Variants in TTC7B observed in about 807,000 individuals in gnomAD.
The protein encoded by TTC7B is tetratricopeptide repeat protein 7B.
TTC7B carries 28 observed loss-of-function variants against 106.8 expected under a neutral mutation model. The ratio of observed to expected loss-of-function variants is 0.26; its 90% CI spans 0.19 to 0.36. The LOEUF is 0.36. TTC7B is among the 10% of genes least tolerant of loss of function. The pLI is 1.00. For synonymous variants in TTC7B, 405 were observed against 430.6 expected (o/e 0.94, Z 0.74); for missense variants, 862 against 1,076.4 (o/e 0.80, Z 2.79).
chr14:90,586,525 CT>C (rs1268792233), intron 18 of TTC7B, among the ~76,000 whole-genome samples: 7 of 152,192 alleles, frequency 4.6e-5, no homozygotes, highest in African/African-American at 1.7e-4. Flanking sequence ...CCGCCTCAGC[CT>C]TCCAAACTGC....
chr14:90,784,557 G>A (rs1286049119), intron 2 of TTC7B, among the ~76,000 whole-genome samples: 6 of 143,926 alleles, frequency 4.2e-5, no homozygotes, highest in South Asian at 2.2e-4. Flanking sequence ...ACTCCATCTC[G>A]AAAAAAAAAA....
chr14:90,649,455 G>A (rs1885620663), intron 13 of TTC7B, among the ~76,000 whole-genome samples: 1 of 152,150 alleles, frequency 6.6e-6, no homozygotes, highest in Admixed American at 6.5e-5. Flanking sequence ...GAAATCCTCA[G>A]GCCAGGCAGA....
At chr14:90,812,007 G>A (rs2030924099) in intron 1 of TTC7B, among the ~76,000 whole-genome samples, 1 of 152,130 alleles carries the variant, frequency 6.6e-6, no homozygotes, top group African/African-American at 2.4e-5. Flanking sequence ...TCCCTGCCAG[G>A]CTGACAGCTG....
At chr14:90,567,277 C>T (rs890881742) in intron 19 of TTC7B, among the ~76,000 whole-genome samples, 8 of 152,254 alleles carry the variant, frequency 5.3e-5, no homozygotes, top group Non-Finnish European at 7.3e-5. Context: ...CGTCTATCGA[C>T]GCTGAGGCTG....
chr14:90,750,286 T>C (rs1890098303), intron 3 of TTC7B, among the ~76,000 whole-genome samples: 1 of 152,202 alleles, frequency 6.6e-6, no homozygotes, highest in African/African-American at 2.4e-5. Flanking sequence ...CAAGTTGATA[T>C]CAGGGATTTA....
At chr14:90,580,229 G>A (rs978949259) in intron 18 of TTC7B, among the ~76,000 whole-genome samples, 5 of 152,252 alleles carry the variant, frequency 3.3e-5, no homozygotes, top group Non-Finnish European at 5.9e-5. Flanking sequence ...CTGAATCGCT[G>A]AATGGATGAA....
At chr14:90,593,659 A>G (rs1338372813) in intron 17 of TTC7B, 33 bp from the exon 18 acceptor site, 10 of 1,549,276 alleles carry the variant, frequency 6.5e-6, no homozygotes, top group Non-Finnish European at 8.8e-6. Flanking sequence ...CTCTATCAGG[A>G]GCGAAAGAAC....
intron 5 of TTC7B, among the ~76,000 whole-genome samples, chr14:90,724,119 A>G (rs1302670075): frequency 6.6e-6 from 1 of 152,096 alleles, no homozygotes; most frequent in East Asian, 1.9e-4. Context: ...CATCTACACC[A>G]TCTCAAGCCC....
intron 6 of TTC7B, among the ~76,000 whole-genome samples, chr14:90,691,356 G>A (rs1267607137): frequency 6.6e-6 from 1 of 151,774 alleles, no homozygotes; most frequent in Non-Finnish European, 1.5e-5. Context: ...TTAAACGTGG[G>A]GTTTTGATGT....
intron 3 of TTC7B, chr14:90,766,975 T>A (rs1890704476): frequency 1.5e-6 from 2 of 1,378,316 alleles, no homozygotes; most frequent in Non-Finnish European, 1.0e-6. Flanking sequence ...TGTGGGTGTG[T>A]CCAAGAAGAA....
rs869217172 is a variant in TTC7B, at chr14:90,575,003, T to TC, written c.2310+3102dup. Among the ~76,000 whole-genome samples, 1 of 150,892 alleles carries TC rather than the reference T, an allele frequency of 6.6e-6. No individual in the cohort carries two copies. Among genetic ancestry groups the TC allele is most frequent in the African/African-American group, 2.4e-5 (1 of 41,278 alleles). On this transcript the variant is annotated intron_variant, in intron 19 of 19. Coordinates refer to ENST00000328459, the MANE Select transcript of TTC7B (RefSeq NM_001010854.2). The surrounding 1 kb of genome is among the most constrained non-coding windows in gnomAD (Gnocchi z 5.2). ...CCTTCTGACCCTGGCCTCCCTGGCC[T>TC]CCCCCTCGCCGCTCTCCCTGTGTGC...
intron 7 of TTC7B, among the ~76,000 whole-genome samples, chr14:90,686,805 A>G (rs1887268110): frequency 6.6e-6 from 1 of 152,260 alleles, no homozygotes; most frequent in Non-Finnish European, 1.5e-5. Context: ...GAATAAGCGT[A>G]ACAAAAGAAA....
chr14:90,554,413 C>G (rs935524195), intron 19 of TTC7B, among the ~76,000 whole-genome samples: 1 of 152,222 alleles, frequency 6.6e-6, no homozygotes, highest in South Asian at 2.1e-4. Flanking sequence ...GGAACAGCAT[C>G]CGGGTGTTCG....
intron 18 of TTC7B, among the ~76,000 whole-genome samples, chr14:90,585,094 G>T (rs369416216): frequency 2.6e-5 from 4 of 152,196 alleles, no homozygotes; most frequent in African/African-American, 7.2e-5. Flanking sequence ...GCTTCCCTCG[G>T]CCAGGCCCCA....
Position 90,748,986 on chromosome 14 carries a change from G to A in TTC7B, c.446-4064C>T, listed in dbSNP as rs1221942144. On this transcript the variant is annotated intron_variant, in intron 3 of 19. Transcript: ENST00000328459. The stretch of plus-strand genomic sequence containing the variant: ...CTTAATTTAGCTCTAATTTTAGAGA[G>A]AAATTTCATGGAGTATGGAATTCAG... 2.6e-5 allele frequency among the ~76,000 whole-genome samples: 4 copies of A among 152,260 alleles called. No homozygotes were observed. In the East Asian group the frequency reaches 7.7e-4, roughly 29 times the overall value.
chr14:90,706,842 C>A (rs550354048), intron 5 of TTC7B, among the ~76,000 whole-genome samples: 1 of 152,170 alleles, frequency 6.6e-6, no homozygotes, highest in Non-Finnish European at 1.5e-5. Flanking sequence ...GCTAATGGTT[C>A]GGTCACCTTA....
chr14:90,696,946 A>G lies in TTC7B; in HGVS notation c.699-1368T>C, dbSNP rs531215213. The stretch of plus-strand genomic sequence containing the variant: ...TCCATGTTCACAGGCAACAAAGTAC[A>G]TTTGCTTTGGACTGAAGCTCAGTTC... On this transcript the variant is annotated intron_variant, in intron 5 of 19. Coordinates refer to ENST00000328459, the MANE Select transcript of TTC7B (RefSeq NM_001010854.2). 1.1e-3 allele frequency among the ~76,000 whole-genome samples: 168 copies of G among 152,304 alleles called. 2 individuals are homozygous for G. The South Asian group carries it at 0.034, about 31-fold the overall frequency.
intron 19 of TTC7B, among the ~76,000 whole-genome samples, chr14:90,549,730 C>A (rs1298708398): frequency 2.6e-5 from 4 of 152,170 alleles, no homozygotes; most frequent in African/African-American, 9.7e-5. Context: ...TTTACTTGGA[C>A]AACATACTCT....
intron 1 of TTC7B, among the ~76,000 whole-genome samples, chr14:90,803,217 G>A (rs1307668777): frequency 3.3e-5 from 5 of 151,792 alleles, no homozygotes; most frequent in Admixed American, 2.6e-4. Context: ...ACCCTCCAGT[G>A]GTTCCACTCT....
Sources: allele counts gnomAD v4.1 joint callset (sites outside exome capture counted in the v4.1 genomes callset), GRCh38; gene constraint gnomAD v4.1.1; non-coding constraint Gnocchi (gnomAD v3.1); transcripts MANE v1.5; gene names NCBI Gene and HGNC (gene_info 2026-07-23, HGNC 2026-07-21).